GRXCR1: variants seen among roughly 807,000 people sequenced by gnomAD.
GRXCR1 encodes glutaredoxin domain-containing cysteine-rich protein 1.
A neutral mutation model predicts 27.3 loss-of-function variants in GRXCR1; 27 were observed. The ratio of observed to expected loss-of-function variants is 0.99; its 90% CI spans 0.73 to 1.37. GRXCR1 has a LOEUF of 1.37. GRXCR1 is among the 40% of genes most tolerant of loss of function. The probability of loss-of-function intolerance (pLI) is 0.00; values close to 1 mark genes in which losing one functional copy is unlikely to be tolerated. For synonymous variants in GRXCR1, 122 were observed against 131.1 expected (o/e 0.93, Z 0.47); for missense variants, 379 against 354.4 (o/e 1.07, Z -0.56).
intron 2 of GRXCR1, among the ~76,000 whole-genome samples, chr4:42,988,184 C>T (rs1711841928): frequency 6.6e-6 from 1 of 152,090 alleles, no homozygotes; most frequent in Admixed American, 6.6e-5. Context: ...TGCTGAGAAT[C>T]CTGGCTTCAT....
At chr4:42,962,280 C>T (rs535911467) in intron 1 of GRXCR1, among the ~76,000 whole-genome samples, 17 of 152,072 alleles carry the variant, frequency 1.1e-4, no homozygotes, top group Non-Finnish European at 2.9e-5. Flanking sequence ...TCTGTGCACT[C>T]CCATTCTGGA....
At chr4:43,029,287 A>G (rs1457761876) in intron 3 of GRXCR1, among the ~76,000 whole-genome samples, 1 of 152,130 alleles carries the variant, frequency 6.6e-6, no homozygotes, top group Non-Finnish European at 1.5e-5. Flanking sequence ...GAGAAAAGCT[A>G]TATGTATGTG....
chr4:42,905,894 C>G (rs1268365770), intron 1 of GRXCR1, among the ~76,000 whole-genome samples: 1 of 152,136 alleles, frequency 6.6e-6, no homozygotes, highest in Non-Finnish European at 1.5e-5. Context: ...AGCTGATGAA[C>G]AAACAAGCAA....
chr4:42,959,817 T>TA (rs574669771), intron 1 of GRXCR1, among the ~76,000 whole-genome samples: 37 of 151,384 alleles, frequency 2.4e-4, no homozygotes, highest in South Asian at 1.9e-3. Flanking sequence ...CATTAGAACT[T>TA]AAAAAAAAAT....
chr4:42,986,996 A>ATGTGTG (rs1160821665), intron 2 of GRXCR1, among the ~76,000 whole-genome samples: 4 of 113,012 alleles, frequency 3.5e-5, no homozygotes, highest in East Asian at 2.8e-4. Context: ...TTTAAGAGAT[A>ATGTGTG]TGTGTATGTG....
intron 3 of GRXCR1, among the ~76,000 whole-genome samples, chr4:43,021,322 T>A (rs2109807597): frequency 6.6e-6 from 1 of 152,296 alleles, no homozygotes; most frequent in Non-Finnish European, 1.5e-5. Context: ...ATCTTCAGTA[T>A]CAGTTCTTCC....
chr4:42,986,353 T>C (rs1462732863), intron 2 of GRXCR1, among the ~76,000 whole-genome samples: 1 of 152,244 alleles, frequency 6.6e-6, no homozygotes, highest in Admixed American at 6.5e-5. Context: ...GTAACCTATG[T>C]CTGTCTTGCA....
At chr4:43,026,784 G>A (rs1271488812) in intron 3 of GRXCR1, among the ~76,000 whole-genome samples, 1 of 152,082 alleles carries the variant, frequency 6.6e-6, no homozygotes, top group Admixed American at 6.5e-5. Context: ...TTTGTAAAAC[G>A]GTGGTGTCTA....
chr4:43,018,305 T>C (rs992368925), intron 2 of GRXCR1, among the ~76,000 whole-genome samples: 14 of 152,202 alleles, frequency 9.2e-5, no homozygotes, highest in Middle Eastern at 3.4e-3. Context: ...GGGAAGTAGG[T>C]ATTCAGCTGC....
intron 3 of GRXCR1, among the ~76,000 whole-genome samples, chr4:43,024,789 T>C (rs1026171902): frequency 1.3e-5 from 2 of 152,118 alleles, no homozygotes; most frequent in Admixed American, 6.5e-5. Context: ...AATTTTTGAA[T>C]CTAGTTTAAA....
At chr4:42,990,462 T>A (rs894879464) in intron 2 of GRXCR1, among the ~76,000 whole-genome samples, 2 of 152,002 alleles carry the variant, frequency 1.3e-5, no homozygotes, top group Non-Finnish European at 2.9e-5. Context: ...AAGTGCTAGT[T>A]CATTTATTTT....
At chr4:42,982,508 A>G (rs538217500) in intron 2 of GRXCR1, among the ~76,000 whole-genome samples, 3 of 121,068 alleles carry the variant, frequency 2.5e-5, no homozygotes, top group Non-Finnish European at 3.4e-5. Context: ...TAATGCTGCA[A>G]TAAACATACG....
intron 1 of GRXCR1, among the ~76,000 whole-genome samples, chr4:42,895,113 C>G (rs1746317725): frequency 6.6e-6 from 1 of 152,092 alleles, no homozygotes; most frequent in Non-Finnish European, 1.5e-5. Context: ...AAGAGAAAAA[C>G]TTTCTTCTCC....
At chr4:42,978,898 T>C (rs1401942936) in intron 2 of GRXCR1, among the ~76,000 whole-genome samples, 3 of 152,038 alleles carry the variant, frequency 2.0e-5, no homozygotes, top group African/African-American at 7.2e-5. Flanking sequence ...GTTTTTGTGA[T>C]AGTGAGTGAG....
At chr4:42,895,792 AG>A (rs1746334929) in intron 1 of GRXCR1, among the ~76,000 whole-genome samples, 1 of 152,136 alleles carries the variant, frequency 6.6e-6, no homozygotes, top group African/African-American at 2.4e-5. Context: ...ATATTCCCAT[AG>A]GCATCCCACA....
At chr4:42,912,290 C>A (rs11943092) in intron 1 of GRXCR1, among the ~76,000 whole-genome samples, 4,278 of 152,198 alleles carry the variant, frequency 0.028, 76 homozygotes, top group South Asian at 0.063. Context: ...TATTTAAAAT[C>A]GTATTTGTTT....
intron 2 of GRXCR1, among the ~76,000 whole-genome samples, chr4:43,005,542 C>A (rs951379651): frequency 9.9e-5 from 15 of 152,158 alleles, no homozygotes; most frequent in African/African-American, 3.6e-4. Context: ...TATCATCCAA[C>A]TTTATGTTGC....
chr4:42,942,674 G>A (rs1747651374), intron 1 of GRXCR1, among the ~76,000 whole-genome samples: 1 of 152,060 alleles, frequency 6.6e-6, no homozygotes, highest in African/African-American at 2.4e-5. Context: ...AAAATTAGTG[G>A]GACCAGGGTC....
chr4:42,948,622 G>T (rs536950786), intron 1 of GRXCR1, among the ~76,000 whole-genome samples: 1 of 151,652 alleles, frequency 6.6e-6, no homozygotes, highest in Non-Finnish European at 1.5e-5. Flanking sequence ...GCACCCTGCC[G>T]AAAGGTGTCC....
Sources: gnomAD v4.1 joint callset for allele counts (sites outside exome capture counted in the v4.1 genomes callset) on GRCh38, gnomAD v4.1.1 for gene constraint, MANE v1.5 for transcripts, NCBI Gene and HGNC (gene_info 2026-07-23, HGNC 2026-07-21) for gene names.